Variants in CTNNA2 observed in about 807,000 individuals in gnomAD.
CTNNA2 encodes catenin alpha-2.
A neutral mutation model predicts 101.0 loss-of-function variants in CTNNA2; 42 were observed. That is an observed-to-expected ratio of 0.42 (90% CI 0.32 to 0.54). The LOEUF (loss-of-function observed/expected upper bound fraction) is 0.54. CTNNA2 is among the 20% of genes least tolerant of loss of function. The pLI is 0.14. For missense variants in CTNNA2, 871 were observed against 1,223.1 expected, an observed-to-expected ratio of 0.71 and a Z score of 4.29; for synonymous variants, 450 against 456.4, an observed-to-expected ratio of 0.99 and a Z score of 0.18.
intron 1 of CTNNA2, among the ~76,000 whole-genome samples, chr2:79,627,646 A>G (rs1018456586): frequency 3.9e-5 from 6 of 152,178 alleles, no homozygotes; most frequent in African/African-American, 9.7e-5. Flanking sequence ...TCTGTTGTTG[A>G]TATTAAAATG....
At chr2:79,852,766 A>G (rs1680825106) in intron 3 of CTNNA2, among the ~76,000 whole-genome samples, 1 of 149,772 alleles carries the variant, frequency 6.7e-6, no homozygotes, top group African/African-American at 2.5e-5. Flanking sequence ...TAATTTTTGT[A>G]TTTTTAGTAG....
chr2:79,430,437 C>T (rs913314194), intron 4 of CTNNA2, among the ~76,000 whole-genome samples: 9 of 152,012 alleles, frequency 5.9e-5, no homozygotes, highest in Non-Finnish European at 1.3e-4. Context: ...AAGCGCTGGC[C>T]TTAAGAGCAG....
At chr2:79,889,500 A>G (rs1684156569) in intron 6 of CTNNA2, among the ~76,000 whole-genome samples, 1 of 152,232 alleles carries the variant, frequency 6.6e-6, no homozygotes, top group Non-Finnish European at 1.5e-5. Context: ...ATGCTAAACA[A>G]TGGTGGGACA....
chr2:79,942,768 T>C, intron 7 of CTNNA2, among the ~76,000 whole-genome samples: 1 of 152,184 alleles, frequency 6.6e-6, no homozygotes, highest in South Asian at 2.1e-4. Context: ...ATCTCTTTTG[T>C]GTTCTACAAA....
intron 4 of CTNNA2, among the ~76,000 whole-genome samples, chr2:79,407,461 A>G (rs547765011): frequency 1.3e-5 from 2 of 152,026 alleles, no homozygotes; most frequent in South Asian, 4.1e-4. Flanking sequence ...CTCTCCCCAT[A>G]TGCAACTTCA....
chr2:80,168,596 G>A (rs1454203844), intron 7 of CTNNA2, among the ~76,000 whole-genome samples: 1 of 152,096 alleles, frequency 6.6e-6, no homozygotes, highest in Non-Finnish European at 1.5e-5. Flanking sequence ...TGGTTAGAGT[G>A]GGAGGAGTTG....
chr2:80,584,289 A>G (rs542392783), intron 14 of CTNNA2, among the ~76,000 whole-genome samples: 4 of 152,196 alleles, frequency 2.6e-5, no homozygotes, highest in African/African-American at 9.6e-5. Flanking sequence ...ATTAATCTAT[A>G]AGAAGGTTTG....
intron 2 of CTNNA2, among the ~76,000 whole-genome samples, chr2:79,737,542 A>G (rs1670986856): frequency 6.6e-6 from 1 of 152,194 alleles, no homozygotes; most frequent in South Asian, 2.1e-4. Context: ...TTGCCTTCTT[A>G]CAGGAATCTA....
intron 4 of CTNNA2, among the ~76,000 whole-genome samples, chr2:79,391,085 T>C (rs1048481261): frequency 6.6e-5 from 10 of 152,150 alleles, no homozygotes; most frequent in East Asian, 3.9e-4. Flanking sequence ...CTTTCCCCAT[T>C]CCTCTGCCTT....
At chr2:79,207,757 CT>C (rs1674119326) in intron 2 of CTNNA2, among the ~76,000 whole-genome samples, 1 of 152,172 alleles carries the variant, frequency 6.6e-6, no homozygotes. Context: ...GTAAAACTTG[CT>C]GGCTTTTTCC....
chr2:79,188,648 G>A (rs1313409289), intron 1 of CTNNA2, among the ~76,000 whole-genome samples: 1 of 152,212 alleles, frequency 6.6e-6, no homozygotes, highest in African/African-American at 2.4e-5. Context: ...TAGAACTTGA[G>A]TTGGATCTTA....
chr2:80,188,518 TC>T (rs1706273270), intron 7 of CTNNA2, among the ~76,000 whole-genome samples: 1 of 152,160 alleles, frequency 6.6e-6, no homozygotes, highest in Admixed American at 6.5e-5. Context: ...CAATATGGTC[TC>T]AATGGACTAA....
intron 2 of CTNNA2, among the ~76,000 whole-genome samples, chr2:79,681,052 G>T (rs1322835165): frequency 1.3e-5 from 2 of 152,200 alleles, no homozygotes; most frequent in Non-Finnish European, 2.9e-5. Context: ...CTACTCAGGA[G>T]GCTGAGGTGG....
intron 9 of CTNNA2, among the ~76,000 whole-genome samples, chr2:80,507,854 A>C (rs1240869424): frequency 6.6e-6 from 1 of 152,220 alleles, no homozygotes; most frequent in Non-Finnish European, 1.5e-5. Flanking sequence ...TGAGTCAAAT[A>C]GATGGCTGTC....
At chr2:79,358,936 C>A (rs1454582277) in intron 3 of CTNNA2, among the ~76,000 whole-genome samples, 1 of 152,106 alleles carries the variant, frequency 6.6e-6, no homozygotes, top group African/African-American at 2.4e-5. Context: ...ATTTTCACCA[C>A]AGAACATCCA....
At chr2:80,520,974 G>A (rs1385075254) in intron 9 of CTNNA2, among the ~76,000 whole-genome samples, 3 of 152,124 alleles carry the variant, frequency 2.0e-5, no homozygotes, top group African/African-American at 7.2e-5. Flanking sequence ...TAGAAATATT[G>A]AGGTATTACT....
At chr2:79,236,469 A>G (rs1011499706) in intron 2 of CTNNA2, among the ~76,000 whole-genome samples, 3 of 152,140 alleles carry the variant, frequency 2.0e-5, no homozygotes, top group East Asian at 1.9e-4. Context: ...TCTTGCTTCA[A>G]TGTCGATGGC....
chr2:80,449,833 G>A (rs1683356989), intron 9 of CTNNA2, among the ~76,000 whole-genome samples: 1 of 152,146 alleles, frequency 6.6e-6, no homozygotes, highest in South Asian at 2.1e-4. Flanking sequence ...GTACAAGGGT[G>A]TCAGTTTAAT....
At chr2:80,549,508 A>C (rs919125239) in intron 11 of CTNNA2, among the ~76,000 whole-genome samples, 1 of 152,200 alleles carries the variant, frequency 6.6e-6, no homozygotes, top group African/African-American at 2.4e-5. Context: ...GTTGCCAAAT[A>C]TAAGGAAGTT....
Sources: allele counts gnomAD v4.1 joint callset (sites outside exome capture counted in the v4.1 genomes callset), GRCh38; gene constraint gnomAD v4.1.1; transcripts MANE v1.5; gene names NCBI Gene and HGNC (gene_info 2026-07-23, HGNC 2026-07-21).